CTTNBP2: variants seen among roughly 807,000 people sequenced by gnomAD.
The protein encoded by CTTNBP2 is cortactin binding protein 2, also known as cortactin-binding protein 2.
A neutral mutation model predicts 156.9 loss-of-function variants in CTTNBP2; 108 were observed. The ratio of observed to expected loss-of-function variants is 0.69; its 90% CI spans 0.59 to 0.81. The LOEUF (loss-of-function observed/expected upper bound fraction) is 0.81, where lower values mean the gene tolerates loss of function less well. Ranked by LOEUF, CTTNBP2 falls within the 30% of genes least tolerant of loss-of-function variation. CTTNBP2 has a pLI of 0.00. For missense variants in CTTNBP2, 1,924 were observed against 2,035.4 expected (o/e 0.95, Z 1.05); for synonymous variants, 767 against 751.8 (o/e 1.02, Z -0.33).
chr7:117,760,515 C>T lies in CTTNBP2; in HGVS notation c.3092G>A (p.Ser1031Asn), dbSNP rs1454727200. The T allele has an allele frequency of 9.3e-6, 15 of 1,614,130 alleles. No individual in the cohort carries two copies. In the South Asian group the frequency reaches 1.4e-4, roughly 15 times the overall value. The part of the protein sequence containing the change: ...FQAISSDGWW[S>N]LEDVTCNNTT... The stretch of plus-strand genomic sequence containing the variant: ...GTTATTGCAAGTCACGTCTTCCAGA[C>T]TCCACCATCCATCAGAAGAGATTGC... Residue 1031 changes from serine (S) to asparagine (N), a missense_variant, in exon 10 of 23, where the codon AGT becomes AAT. Physicochemically the swap from Ser to Asn is conservative, Grantham distance 46 (BLOSUM62 1). Transcript: ENST00000160373.
chr7:117,840,205 A>G (rs1434082243), intron 2 of CTTNBP2, among the ~76,000 whole-genome samples: 4 of 152,226 alleles, frequency 2.6e-5, no homozygotes, highest in Non-Finnish European at 5.9e-5. Flanking sequence ...TTCCAGAAAT[A>G]GCCTAGAAGG....
intron 8 of CTTNBP2, among the ~76,000 whole-genome samples, chr7:117,773,565 C>T (rs2116737082): frequency 6.6e-6 from 1 of 151,608 alleles, no homozygotes; most frequent in Non-Finnish European, 1.5e-5. Context: ...GCAGGAGCCA[C>T]TGTTGACTCC....
chr7:117,775,544 C>T (rs984402625), intron 8 of CTTNBP2, among the ~76,000 whole-genome samples: 2 of 150,422 alleles, frequency 1.3e-5, no homozygotes, highest in Non-Finnish European at 3.0e-5. Context: ...GGTTCAGTAG[C>T]CGAACATCCT....
chr7:117,810,796 T>G lies in CTTNBP2; in HGVS notation c.383A>C (p.Gln128Pro), dbSNP rs753931915. 6.2e-7 allele frequency: 1 copy of G among 1,613,664 alleles called. No individual in the cohort carries two copies. The highest frequency in any genetic ancestry group is 1.1e-5 in the South Asian group (1 of 91,066). ...CKKMQERMSA[Q>P]LAAAESRQKK... ...TTGTCTGCTCTCAGCAGCAGCCAGC[T>G]GTGCGGACATCCTTTCTTGCATTTT... The change falls in exon 3 of 23, where the codon CAG becomes CCG. Residue 128 changes from glutamine to proline, a missense_variant. Coordinates refer to ENST00000160373, the MANE Select transcript of CTTNBP2 (RefSeq NM_033427.3).
chr7:117,741,399 A>G (rs1028932913), intron 14 of CTTNBP2, among the ~76,000 whole-genome samples: 2 of 152,234 alleles, frequency 1.3e-5, no homozygotes, highest in African/African-American at 4.8e-5. Context: ...GAAGAAAGAT[A>G]TTGATACTTA....
intron 22 of CTTNBP2, among the ~76,000 whole-genome samples, chr7:117,716,418 C>T (rs995710101): frequency 1.3e-5 from 2 of 152,052 alleles, no homozygotes; most frequent in Non-Finnish European, 2.9e-5. Context: ...CTAAGATCCT[C>T]CTGGCCCCTT....
intron 3 of CTTNBP2, among the ~76,000 whole-genome samples, chr7:117,801,890 GTTTTTTATT>G (rs1186170731): frequency 2.6e-5 from 4 of 151,810 alleles, no homozygotes; most frequent in Non-Finnish European, 5.9e-5. Flanking sequence ...TTTGGAAAAT[GTTTTTTATT>G]TTTTTTATTT....
chr7:117,855,035 T>C (rs1417339901), intron 2 of CTTNBP2, among the ~76,000 whole-genome samples: 1 of 151,994 alleles, frequency 6.6e-6, no homozygotes, highest in Non-Finnish European at 1.5e-5. Context: ...TCCACCTGCT[T>C]CAGCTCCCCA....
chr7:117,833,976 T>C (rs1328823734), intron 2 of CTTNBP2, among the ~76,000 whole-genome samples: 2 of 152,206 alleles, frequency 1.3e-5, no homozygotes, highest in African/African-American at 4.8e-5. Context: ...AAAAAATATA[T>C]ACATAGACAG....
chr7:117,743,345 G>GA (rs1415257293), intron 14 of CTTNBP2, among the ~76,000 whole-genome samples: 3 of 152,132 alleles, frequency 2.0e-5, no homozygotes, highest in Non-Finnish European at 4.4e-5. Context: ...GATAACAGGG[G>GA]AAAAATGATG....
At chr7:117,758,544 G>A (rs1258737098) in intron 10 of CTTNBP2, among the ~76,000 whole-genome samples, 1 of 152,108 alleles carries the variant, frequency 6.6e-6, no homozygotes, top group Non-Finnish European at 1.5e-5. Flanking sequence ...TTGGTAATAA[G>A]TATTTTTTTT....
At chr7:117,821,450 T>G (rs1183282374) in intron 2 of CTTNBP2, among the ~76,000 whole-genome samples, 1 of 152,172 alleles carries the variant, frequency 6.6e-6, no homozygotes, top group East Asian at 1.9e-4. Context: ...TCAAATATTT[T>G]TCTGCATCTA....
At chr7:117,725,365 T>G in intron 17 of CTTNBP2, 108 bp from the exon 18 acceptor site, 1 of 978,304 alleles carries the variant, frequency 1.0e-6, no homozygotes, top group Non-Finnish European at 1.6e-6. Context: ...CGTTAAGTGT[T>G]TCTATAGATA....
intron 10 of CTTNBP2, chr7:117,758,224 T>C (rs1440337633): frequency 4.4e-6 from 2 of 454,130 alleles, no homozygotes; most frequent in Non-Finnish European, 7.8e-6. Flanking sequence ...GGGAGAGATC[T>C]AGAAAGCAAA....
intron 1 of CTTNBP2, chr7:117,871,813 A>T: frequency 1.1e-5 from 4 of 378,522 alleles, no homozygotes; most frequent in South Asian, 1.3e-4. Flanking sequence ...ACACACACAC[A>T]CACACCCTCT....
At chr7:117,871,087 A>G (rs76537687) in intron 1 of CTTNBP2, among the ~76,000 whole-genome samples, 2,509 of 152,352 alleles carry the variant, frequency 0.016, 28 homozygotes, top group Non-Finnish European at 0.023. Context: ...ACGATATGTA[A>G]ACCAATTTGA....
At chr7:117,740,488 T>TC (rs551373595) in intron 14 of CTTNBP2, among the ~76,000 whole-genome samples, 103 of 152,196 alleles carry the variant, frequency 6.8e-4, no homozygotes, top group African/African-American at 2.2e-3. Context: ...GGCTCTCTCT[T>TC]TAGAGAAAAT....
At chr7:117,837,648 T>C (rs1000754460) in intron 2 of CTTNBP2, among the ~76,000 whole-genome samples, 2 of 152,234 alleles carry the variant, frequency 1.3e-5, no homozygotes, top group Non-Finnish European at 2.9e-5. Context: ...ATACACCTTA[T>C]ACACATAGCC....
chr7:117,851,226 G>T (rs1802910325), intron 2 of CTTNBP2, among the ~76,000 whole-genome samples: 1 of 151,746 alleles, frequency 6.6e-6, no homozygotes, highest in South Asian at 2.1e-4. Flanking sequence ...AACATAGCAA[G>T]ACCCTGTCTC....
Sources: gnomAD v4.1 joint callset for allele counts (sites outside exome capture counted in the v4.1 genomes callset) on GRCh38, gnomAD v4.1.1 for gene constraint, MANE v1.5 for transcripts, NCBI Gene and HGNC (gene_info 2026-07-23, HGNC 2026-07-21) for gene names.